The following INO80 variants were observed in gnomAD, a reference collection of about 807,000 sequenced individuals.
The protein encoded by INO80 is INO80 complex ATPase subunit.
INO80 carries 20 observed loss-of-function variants against 203.4 expected under a neutral mutation model. The ratio of observed to expected loss-of-function variants is 0.10; its 90% CI spans 0.07 to 0.14. The LOEUF is 0.14. Ranked by LOEUF, INO80 falls within the 10% of genes least tolerant of loss-of-function variation. The pLI, the probability that INO80 is intolerant of heterozygous loss-of-function variation, is 1.00. For missense variants in INO80, 1,419 were observed against 1,914.4 expected (o/e 0.74, Z 4.83); for synonymous variants, 726 against 685.2 (o/e 1.06, Z -0.93).
chr15:41,011,813 C>T (rs182100112), intron 27 of INO80: 1 of 152,192 alleles, frequency 6.6e-6, no homozygotes, highest in African/African-American at 2.4e-5. Context: ...CCCAGTGAGG[C>T]ACTGCGCTTG....
intron 1 of INO80, among the ~76,000 whole-genome samples, chr15:41,102,823 T>C (rs897003099): frequency 1.3e-5 from 2 of 152,178 alleles, no homozygotes; most frequent in African/African-American, 4.8e-5. Flanking sequence ...ATACTCTATT[T>C]AATAATCTTT....
intron 24 of INO80, among the ~76,000 whole-genome samples, chr15:41,028,444 C>T (rs1050023235): frequency 2.6e-5 from 4 of 152,140 alleles, no homozygotes; most frequent in East Asian, 1.9e-4. Flanking sequence ...CAATTTCCTT[C>T]TAAATTTTTC....
chr15:41,049,491 A>G, intron 20 of INO80, 71 bp from the exon 21 acceptor site: 1 of 1,418,618 alleles, frequency 7.0e-7, no homozygotes, highest in Non-Finnish European at 9.8e-7. Context: ...GGGGATCCCA[A>G]ATCCCAAATG....
At chr15:41,073,288 G>T in intron 11 of INO80, 140 bp downstream of exon 11, 1 of 696,446 alleles carries the variant, frequency 1.4e-6, no homozygotes. Flanking sequence ...CCTACACACA[G>T]CTACTCACAC....
At chr15:41,010,906 C>T (rs1056515939) in intron 27 of INO80, among the ~76,000 whole-genome samples, 9 of 152,174 alleles carry the variant, frequency 5.9e-5, no homozygotes, top group Non-Finnish European at 8.8e-5. Context: ...TGTTTTCCAT[C>T]TTTTGGGGTA....
At chr15:41,112,589 C>T (rs368407080) in intron 1 of INO80, among the ~76,000 whole-genome samples, 1 of 151,852 alleles carries the variant, frequency 6.6e-6, no homozygotes, top group Middle Eastern at 3.2e-3. Context: ...GAGATCGAGA[C>T]CATCCTGGCC....
chr15:41,010,059 TCTG>T (rs1596256112), intron 27 of INO80, among the ~76,000 whole-genome samples: 1 of 152,198 alleles, frequency 6.6e-6, no homozygotes, highest in African/African-American at 2.4e-5. Context: ...ATCCCATCAG[TCTG>T]AAAACCACTG....
rs1384354631 is a variant in INO80 at position 41,053,914 on chromosome 15, GTCT to G, written c.2274+12_2274+14del. 6.3e-7 allele frequency: 1 copy of G among 1,599,220 alleles called. No homozygotes were observed. The highest frequency in any genetic ancestry group is 1.7e-5 in the Admixed American group (1 of 59,944). On this transcript the variant is annotated intron_variant, in intron 19 of 35. Transcript: ENST00000648947. ...GCCTATTGAGGCTTAAACACATGAG[GTCT>G]TCTTTACTTACCTTGTCAGATAATT... is the stretch of plus-strand genomic sequence containing the variant.
At chr15:41,063,728 G>A (rs775759135) in intron 14 of INO80, among the ~76,000 whole-genome samples, 4 of 150,764 alleles carry the variant, frequency 2.7e-5, no homozygotes, top group African/African-American at 9.7e-5. Flanking sequence ...CTGAGATTGC[G>A]CCACTGCACT....
chr15:41,018,588 TA>T (rs1163174909), intron 26 of INO80: 3 of 152,228 alleles, frequency 2.0e-5, no homozygotes, highest in Admixed American at 2.0e-4. Context: ...GCAACAGCCT[TA>T]AAACACTTCA....
chr15:41,105,503 G>C (rs949242582), intron 1 of INO80, among the ~76,000 whole-genome samples: 1 of 152,102 alleles, frequency 6.6e-6, no homozygotes, highest in African/African-American at 2.4e-5. Context: ...ACTCGCCCAA[G>C]ATCATACAAA....
chr15:41,037,774 C>G (rs958156223), intron 24 of INO80, among the ~76,000 whole-genome samples: 1 of 151,830 alleles, frequency 6.6e-6, no homozygotes, highest in African/African-American at 2.4e-5. Flanking sequence ...GAAACCCCAC[C>G]TCTACTAAAA....
intron 12 of INO80, 69 bp downstream of exon 12, chr15:41,071,780 C>A: frequency 2.2e-6 from 3 of 1,389,692 alleles, no homozygotes; most frequent in Non-Finnish European, 3.0e-6. Context: ...ACTCATTTCA[C>A]AATCACATTG....
chr15:41,072,094 A>G (rs1406829368), intron 11 of INO80, 36 bp from the exon 12 acceptor site: 1 of 1,363,646 alleles, frequency 7.3e-7, no homozygotes, highest in Non-Finnish European at 1.0e-6. Flanking sequence ...AGAAAAAAAA[A>G]AAAGAGGAAA....
Position 41,033,193 on chromosome 15 carries a change from T to A in INO80, c.2908-5457A>T, listed in dbSNP as rs116021084. Among the ~76,000 whole-genome samples the A allele has an allele frequency of 8.1e-3, 1,238 of 152,330 alleles. 22 individuals carry two copies. The highest frequency in any genetic ancestry group is 0.027 in the African/African-American group (1,114 of 41,568). On this transcript the variant is annotated intron_variant, in intron 24 of 35. Coordinates refer to ENST00000648947, the MANE Select transcript of INO80 (RefSeq NM_017553.3). ...CAACCATCATTTTTAATTTTTAACA[T>A]GACATTTAATTGGAATAGACTCAAA... is the stretch of plus-strand genomic sequence containing the variant.
chr15:40,986,730 ATTC>A (rs2043740243), intron 31 of INO80, among the ~76,000 whole-genome samples: 1 of 152,100 alleles, frequency 6.6e-6, no homozygotes, highest in African/African-American at 2.4e-5. Flanking sequence ...GGTTCAAGCA[ATTC>A]TTCTGCTTTA....
intron 27 of INO80, among the ~76,000 whole-genome samples, chr15:41,009,236 T>C (rs1407608703): frequency 6.6e-6 from 1 of 151,964 alleles, no homozygotes; most frequent in African/African-American, 2.4e-5. Context: ...CTGTTCTTTT[T>C]TTTTTTTTAT....
At chr15:41,073,177 G>A (rs2045351733) in intron 11 of INO80, among the ~76,000 whole-genome samples, 1 of 152,072 alleles carries the variant, frequency 6.6e-6, no homozygotes, top group South Asian at 2.1e-4. Context: ...GTTCTAACTT[G>A]AAATTAACAC....
intron 5 of INO80, among the ~76,000 whole-genome samples, chr15:41,088,149 G>A (rs767308110): frequency 2.1e-5 from 3 of 144,692 alleles, no homozygotes; most frequent in Non-Finnish European, 4.5e-5. Flanking sequence ...GGAGTGCAGC[G>A]GCATGATCTG....
Sources: gnomAD v4.1 joint callset for allele counts (sites outside exome capture counted in the v4.1 genomes callset) on GRCh38, gnomAD v4.1.1 for gene constraint, MANE v1.5 for transcripts, NCBI Gene and HGNC (gene_info 2026-07-23, HGNC 2026-07-21) for gene names.